Variants in PRR35 observed in about 807,000 individuals in gnomAD.
PRR35 encodes the protein proline rich 35, also known as proline-rich protein 35.
In PRR35, 14 loss-of-function variants were observed where a neutral mutation model predicts 18.6. The ratio of observed to expected loss-of-function variants is 0.75; its 90% CI spans 0.50 to 1.18. The LOEUF (loss-of-function observed/expected upper bound fraction) is 1.18, where lower values mean the gene tolerates loss of function less well. PRR35 is among the 50% of genes most tolerant of loss of function. PRR35 has a pLI of 0.00. For missense variants in PRR35, 832 were observed against 792.2 expected, an observed-to-expected ratio of 1.05 and a Z score of -0.60; for synonymous variants, 425 against 378.2, an observed-to-expected ratio of 1.12 and a Z score of -1.43.
At position 565,176 on chromosome 16, in the gene PRR35, G is replaced by C; in HGVS notation, c.1585G>C (p.Gly529Arg). 1 of 1,610,870 alleles carries C rather than the reference G, an allele frequency of 6.2e-7. No individual in the cohort carries two copies. Among genetic ancestry groups the C allele is most frequent in the Non-Finnish European group, 8.5e-7 (1 of 1,179,100 alleles). Residue 529 changes from glycine to arginine, a missense_variant, in exon 3 of 3, where the codon GGG becomes CGG. Gly to Arg is a moderately radical substitution (Grantham distance 125, BLOSUM62 -2). Transcript: ENST00000409413. ...GGCCGACTCCAGCGTCCCACCCCCA[G>C]GGCTCCCCCTCGCAGCCCCAGATGA... ...CEADSSVPPPGLPLAAPDDPV... is the reference protein window; with the variant it reads ...CEADSSVPPPRLPLAAPDDPV...
chr16:563,888 C>T lies in PRR35; in HGVS notation c.594C>T (p.Phe198=), dbSNP rs756702979. 1 of 1,580,896 alleles carries T rather than the reference C, an allele frequency of 6.3e-7. No individual in the cohort carries two copies. The highest frequency in any genetic ancestry group is 1.8e-5 in the Admixed American group (1 of 56,008). The change falls in exon 2 of 3, where the codon TTC becomes TTT. Residue 198 remains phenylalanine, a synonymous_variant. Transcript: ENST00000409413. ...ATCCCCCGCCTGCCCCAGGGGAGTT[C>T]CCTGAGGCCCACAGCCTCCACCTGT... ...PCYPPPAPGE[F]PEAHSLHLSL... is the part of the protein sequence containing the mutation.
intron 1 of PRR35, among the ~76,000 whole-genome samples, chr16:561,171 TGTGTGC>T (rs1347541410): frequency 6.6e-6 from 1 of 152,198 alleles, no homozygotes; most frequent in African/African-American, 2.4e-5. Flanking sequence ...TATGCGTTTG[TGTGTGC>T]GTGTGGCTGC....
chr16:560,934 C>CG (rs59225364), intron 1 of PRR35, among the ~76,000 whole-genome samples: 3,738 of 130,668 alleles, frequency 0.029, 87 homozygotes, highest in African/African-American at 0.06. Flanking sequence ...CCTGCGTTCC[C>CG]GGGGGGGGGG....
Position 564,927 on chromosome 16 carries a change from G to T in PRR35, c.1336G>T (p.Glu446Ter). 6.2e-7 allele frequency: 1 copy of T among 1,602,632 alleles called. No homozygotes were observed. The change falls in exon 3 of 3, where the codon GAG (glutamate) becomes TAG (stop). Residue 446 changes from glutamate (E) to a stop codon, truncating the protein, a stop_gained. Transcript: ENST00000409413. LOFTEE classifies it low-confidence loss of function (END_TRUNC). ...GGAGCAGCTGGGCAAGATCCGCCTGGAGCTGCTCACCATTCACCAGGCGCT... is the reference window on the plus strand; with the variant it reads ...GGAGCAGCTGGGCAAGATCCGCCTGTAGCTGCTCACCATTCACCAGGCGCT... ...LREQLGKIRL[E>*]LLTIHQALEQ...
chr16:560,417 T>G lies in PRR35; in HGVS notation c.-284T>G, dbSNP rs2035413189. 2.0e-6 allele frequency: 2 copies of G among 982,376 alleles called. No homozygotes were observed. The highest frequency in any genetic ancestry group is 2.4e-6 in the Non-Finnish European group (2 of 828,860). 60.9% of individuals were successfully genotyped at this position (982,376 alleles called of 1,614,324 possible). ...CCAACTTCGGGAGGTGCGAGCGGCG[T>G]CGGGGGGACGCGGGCGGCGGCGGAG... On this transcript the variant is annotated 5_prime_UTR_variant, in exon 1 of 3. Transcript: ENST00000409413.
At position 560,574 on chromosome 16, in the gene PRR35, C is replaced by T. The variant is rs944795800; in HGVS notation, c.-127C>T. 1.7e-5 allele frequency: 17 copies of T among 982,968 alleles called. No homozygotes were observed. The highest frequency in any genetic ancestry group is 1.8e-5 in the Non-Finnish European group (15 of 829,028). 60.9% of individuals were successfully genotyped at this position (982,968 alleles called of 1,614,324 possible). The stretch of plus-strand genomic sequence containing the variant: ...CAGCGCGTCCGCGGGGTCCGAGTCG[C>T]GGCCGGCGCGGGGCGGGGAGGGGCG... On this transcript the variant is annotated 5_prime_UTR_variant, in exon 1 of 3. Coordinates refer to ENST00000409413, the MANE Select transcript of PRR35 (RefSeq NM_145270.3).
In PRR35 at chr16:563,142, C is replaced by A; in HGVS notation, c.-39-114C>A. The A allele has an allele frequency of 5.7e-6, 6 of 1,049,040 alleles. No homozygotes were observed. In the South Asian group the frequency reaches 9.3e-5, roughly 16 times the overall value. The allele number at this position is 1,049,040 out of a possible 1,614,324, so 65.0% of individuals were successfully genotyped here. On this transcript the variant is annotated intron_variant, in intron 1 of 2. Coordinates refer to ENST00000409413, the MANE Select transcript of PRR35 (RefSeq NM_145270.3). ...GGGGCACGTTGCAGGGCAGAGGCGG[C>A]GGGGTGGGGGGAGCACCCAGGCTCC...
chr16:563,718 C>T lies in PRR35; in HGVS notation c.424C>T (p.Pro142Ser). The T allele has an allele frequency of 6.5e-7, 1 of 1,541,604 alleles. No individual in the cohort carries two copies. Among genetic ancestry groups the T allele is most frequent in the Non-Finnish European group, 8.7e-7 (1 of 1,147,952 alleles). The stretch of plus-strand genomic sequence containing the variant: ...GGCCAAGGGGTCCCCAGGGCCACCA[C>T]CCCCTGTGGCTAGGGCCACCCGGAA... ...SRAKGSPGPP[P>S]PVARATRKGP... The change falls in exon 2 of 3, where the codon CCC becomes TCC. Residue 142 changes from proline (P) to serine (S), a missense_variant. Pro to Ser is a moderately conservative substitution (Grantham distance 74). Around this residue, in one of 3 missense-constraint regions of PRR35, gnomAD observed 768 missense variants for 704.1 expected, o/e 1.09. Coordinates refer to ENST00000409413, the MANE Select transcript of PRR35 (RefSeq NM_145270.3).
intron 2 of PRR35, 50 bp downstream of exon 2, chr16:564,426 G>T: frequency 6.3e-7 from 1 of 1,576,072 alleles, no homozygotes; most frequent in Non-Finnish European, 8.6e-7. Flanking sequence ...GGGCTGGGCG[G>T]CTGGGCATGG....
intron 1 of PRR35, 151 bp downstream of exon 1, chr16:560,812 C>T (rs1283861419): frequency 1.1e-5 from 4 of 361,902 alleles, no homozygotes; most frequent in Non-Finnish European, 1.4e-5. Flanking sequence ...AGGAGCAGCG[C>T]GGGGGGAGGG....
At chr16:560,156 T>A (rs2142103545), upstream of PRR35, among the ~76,000 whole-genome samples, 1 of 150,912 alleles carries the variant, frequency 6.6e-6, no homozygotes, top group Middle Eastern at 3.4e-3. Context: ...CGCAGTCCGC[T>A]CTCCGTCCGC....
rs752854484 is a variant in PRR35 at position 564,950 on chromosome 16, G to A, written c.1359G>A (p.Ala453=). ...IRLELLTIHQ[A]LEQAVRPPDA... The stretch of plus-strand genomic sequence containing the variant: ...TGGAGCTGCTCACCATTCACCAGGC[G>A]CTGGAGCAGGCCGTGAGGCCGCCAG... Residue 453 remains alanine, a synonymous_variant, in exon 3 of 3, where the codon GCG becomes GCA. Coordinates refer to ENST00000409413, the MANE Select transcript of PRR35 (RefSeq NM_145270.3). 3.1e-6 allele frequency: 5 copies of A among 1,604,752 alleles called. No individual in the cohort carries two copies. Among genetic ancestry groups the A allele is most frequent in the Admixed American group, 1.7e-5 (1 of 59,578 alleles).
At chr16:560,230 A>T, upstream of PRR35, 2 of 611,188 alleles carry the variant, frequency 3.3e-6, no homozygotes, top group Non-Finnish European at 4.1e-6. Flanking sequence ...CCGGCGCACG[A>T]GGCCGGTGAG....
At chr16:564,594 A>G in intron 2 of PRR35, 80 bp from the exon 3 acceptor site, 1 of 1,431,484 alleles carries the variant, frequency 7.0e-7, no homozygotes, top group Non-Finnish European at 9.2e-7. Context: ...GCCACAGGGC[A>G]GAGGCCGTGA....
rs970174567 is a variant in PRR35 at position 564,607 on chromosome 16, G to C, written c.1083-67G>C. 23 of 1,449,890 alleles carry C rather than the reference G, an allele frequency of 1.6e-5. No individual in the cohort carries two copies. In the Admixed American group the frequency reaches 2.2e-4, roughly 14 times the overall value. The allele number at this position is 1,449,890 out of a possible 1,614,324, so 89.8% of individuals were successfully genotyped here. On this transcript the variant is annotated intron_variant, in intron 2 of 2. Transcript: ENST00000409413. ...GGGCCACAGGGCAGAGGCCGTGAGG[G>C]GAGAGGGGCAGGGGCCGGGGGCGCT...
In PRR35 at chr16:561,851, C is replaced by T. The variant is rs373176415; in HGVS notation, c.-40+1190C>T. The T allele has an allele frequency of 2.5e-4, 231 of 917,912 alleles. 1 individual carries two copies. The highest frequency in any genetic ancestry group is 1.5e-3 in the Admixed American group (25 of 16,198). The allele number at this position is 917,912 out of a possible 1,614,324, so 56.9% of individuals were successfully genotyped here. On this transcript the variant is annotated intron_variant, in intron 1 of 2. Coordinates refer to ENST00000409413, the MANE Select transcript of PRR35 (RefSeq NM_145270.3). Reference sequence around the variant, plus strand: ...AGGGCCTGTGTGAGCATGTGAGTGCCGTGTTGGAGTGGTTTGGAAAGCCCC... The same window carrying T: ...AGGGCCTGTGTGAGCATGTGAGTGCTGTGTTGGAGTGGTTTGGAAAGCCCC...
rs1286550635 is a variant in PRR35 at position 563,897 on chromosome 16, C to T, written c.603C>T (p.Ala201=). 1.1e-5 allele frequency: 18 copies of T among 1,584,848 alleles called. No individual in the cohort carries two copies. Among genetic ancestry groups the T allele is most frequent in the Non-Finnish European group, 1.5e-5 (18 of 1,166,692 alleles). ...CTGCCCCAGGGGAGTTCCCTGAGGC[C>T]CACAGCCTCCACCTGTCTCTGCTGG... ...PPPAPGEFPE[A]HSLHLSLLGV... The change falls in exon 2 of 3, where the codon GCC becomes GCT. Residue 201 remains alanine, a synonymous_variant. Transcript: ENST00000409413.
chr16:563,695 C>A lies in PRR35; in HGVS notation c.401C>A (p.Ala134Asp). The change falls in exon 2 of 3, where the codon GCC becomes GAC. Residue 134 changes from alanine (A) to aspartate (D), a missense_variant. By Grantham distance (126) the Ala-to-Asp change is moderately radical. Around this residue, in one of 3 missense-constraint regions of PRR35, gnomAD observed 768 missense variants for 704.1 expected, o/e 1.09. Coordinates refer to ENST00000409413, the MANE Select transcript of PRR35 (RefSeq NM_145270.3). Reference sequence around the variant, plus strand: ...TGTGGCGGAGGCCCCAAGTCCAGGGCCAAGGGGTCCCCAGGGCCACCACCC... The same window carrying A: ...TGTGGCGGAGGCCCCAAGTCCAGGGACAAGGGGTCCCCAGGGCCACCACCC... ...LHCGGGPKSR[A>D]KGSPGPPPPV... The A allele has an allele frequency of 6.4e-7, 1 of 1,557,552 alleles. No individual in the cohort carries two copies.
chr16:564,076 C>T lies in PRR35; in HGVS notation c.782C>T (p.Ala261Val). The change falls in exon 2 of 3, where the codon GCC becomes GTC. Residue 261 changes from alanine (A) to valine (V), a missense_variant. By Grantham distance (64) the Ala-to-Val change is moderately conservative (BLOSUM62 0). This residue lies in a region of PRR35 where 768 missense variants were observed against 704.1 expected (regional missense o/e 1.09). Transcript: ENST00000409413. ...CAGCCCCCTCAGCGCCCCACCCCGGCCCCCCGCCTGTACTACCCGCTGCTT... is the reference window on the plus strand; with the variant it reads ...CAGCCCCCTCAGCGCCCCACCCCGGTCCCCCGCCTGTACTACCCGCTGCTT... ...AVQPPQRPTPAPRLYYPLLLE... is the reference protein window; with the variant it reads ...AVQPPQRPTPVPRLYYPLLLE... 6 of 1,550,622 alleles carry T rather than the reference C, an allele frequency of 3.9e-6. No homozygotes were observed. The highest frequency in any genetic ancestry group is 1.2e-5 in the South Asian group (1 of 85,184).
Sources: gnomAD v4.1 joint callset for allele counts (sites outside exome capture counted in the v4.1 genomes callset) on GRCh38, gnomAD v4.1.1 for gene constraint, gnomAD v4.1.1 regional missense constraint, MANE v1.5 for transcripts, NCBI Gene and HGNC (gene_info 2026-07-23, HGNC 2026-07-21) for gene names.